Variants in CD2AP observed in about 807,000 individuals in gnomAD.
CD2AP encodes the protein CD2-associated protein.
A neutral mutation model predicts 85.1 loss-of-function variants in CD2AP; 46 were observed. The observed-to-expected ratio is 0.54, with a 90% CI of 0.43 to 0.69. The LOEUF (loss-of-function observed/expected upper bound fraction) is 0.69. CD2AP is among the 30% of genes least tolerant of loss of function. CD2AP has a pLI of 0.00. For synonymous variants in CD2AP, 255 were observed against 252.9 expected (o/e 1.01, Z -0.08); for missense variants, 769 against 729.5 (o/e 1.05, Z -0.62).
At chr6:47,582,143 G>A in intron 11 of CD2AP, 78 bp downstream of exon 11, 2 of 934,394 alleles carry the variant, frequency 2.1e-6, no homozygotes, top group Middle Eastern at 4.4e-4. Context: ...TCTCCACACT[G>A]AGTTATTTAC....
intron 4 of CD2AP, among the ~76,000 whole-genome samples, chr6:47,552,602 G>A (rs1000618183): frequency 6.6e-6 from 1 of 152,114 alleles, no homozygotes; most frequent in South Asian, 2.1e-4. Flanking sequence ...ATTGCAGATT[G>A]TCATGCAGTC....
intron 17 of CD2AP, among the ~76,000 whole-genome samples, chr6:47,622,324 A>G (rs949479611): frequency 3.3e-5 from 5 of 152,126 alleles, no homozygotes; most frequent in Non-Finnish European, 5.9e-5. Context: ...TGCAAACCAG[A>G]TTTGCCGCCC....
chr6:47,512,032 G>C (rs1306343977), intron 2 of CD2AP, among the ~76,000 whole-genome samples: 3 of 151,804 alleles, frequency 2.0e-5, no homozygotes, highest in Non-Finnish European at 4.4e-5. Flanking sequence ...GTGGCGGGCG[G>C]CTGTAGTCCC....
At chr6:47,499,608 C>T (rs376770508) in intron 1 of CD2AP, among the ~76,000 whole-genome samples, 1 of 152,102 alleles carries the variant, frequency 6.6e-6, no homozygotes, top group African/African-American at 2.4e-5. Flanking sequence ...TACCCTTTCT[C>T]CTGGTAGTTT....
chr6:47,584,001 C>T (rs111815388), intron 11 of CD2AP, among the ~76,000 whole-genome samples: 301 of 152,184 alleles, frequency 2.0e-3, no homozygotes, highest in African/African-American at 6.9e-3. Flanking sequence ...GTTGCAATTC[C>T]GTAATGATAT....
At chr6:47,560,127 A>G (rs1174225650) in intron 5 of CD2AP, among the ~76,000 whole-genome samples, 1 of 152,158 alleles carries the variant, frequency 6.6e-6, no homozygotes, top group Non-Finnish European at 1.5e-5. Flanking sequence ...ATAAAAATAA[A>G]ACAAAGACCT....
chr6:47,492,785 T>A (rs1236878408), intron 1 of CD2AP, among the ~76,000 whole-genome samples: 7 of 152,218 alleles, frequency 4.6e-5, no homozygotes, highest in African/African-American at 1.7e-4. Context: ...TTTATTGATG[T>A]TTTCAAATAA....
chr6:47,610,972 T>TATATATATATTTA (rs1491427733), intron 16 of CD2AP, among the ~76,000 whole-genome samples: 1 of 56,362 alleles, frequency 1.8e-5, no homozygotes, highest in Non-Finnish European at 3.1e-5. Context: ...TATATATGTA[T>TATATATATATTTA]TTTTTTTTTT....
rs376206874 is a variant in CD2AP, at chr6:47,591,510, T to C, written c.1109-4351T>C. ...CTCACTACTTTTTAGGTAGTACATT[T>C]TTTCTCTAAGGCATCTCCAAGTGAT... On this transcript the variant is annotated intron_variant, in intron 11 of 17. Transcript: ENST00000359314. 5.3e-5 allele frequency among the ~76,000 whole-genome samples: 8 copies of C among 152,156 alleles called. No homozygotes were observed. In the East Asian group the frequency reaches 1.5e-3, roughly 29 times the overall value.
At chr6:47,561,033 G>A (rs9357544) in intron 5 of CD2AP, among the ~76,000 whole-genome samples, 50,643 of 151,970 alleles carry the variant, frequency 0.33, 9,306 homozygotes, top group Middle Eastern at 0.52. Context: ...TTATTCATCA[G>A]GTATCAGTCT....
intron 5 of CD2AP, chr6:47,563,077 C>T (rs1003615330): frequency 2.6e-4 from 64 of 248,764 alleles, no homozygotes; most frequent in African/African-American, 1.3e-3. Context: ...AGTTTGAACT[C>T]TGCTATAATT....
intron 5 of CD2AP, among the ~76,000 whole-genome samples, chr6:47,559,356 T>C (rs1767788378): frequency 6.6e-6 from 1 of 151,660 alleles, no homozygotes; most frequent in Non-Finnish European, 1.5e-5. Flanking sequence ...CCTCCTGAGC[T>C]CAAGTGATCC....
intron 1 of CD2AP, among the ~76,000 whole-genome samples, chr6:47,498,544 G>A (rs1295489914): frequency 2.6e-5 from 4 of 152,018 alleles, no homozygotes; most frequent in South Asian, 4.1e-4. Context: ...CTGTTAATTG[G>A]ATGTTGGATT....
chr6:47,624,446 G>A lies in CD2AP; in HGVS notation c.*219G>A. On this transcript the variant is annotated 3_prime_UTR_variant, in exon 18 of 18. Coordinates refer to ENST00000359314, the MANE Select transcript of CD2AP (RefSeq NM_012120.3). ...AGGCCTTATTTCTTAACTGTGCTGGGATTGCAAACACTTTTTAAAAAATTG... is the reference window on the plus strand; with the variant it reads ...AGGCCTTATTTCTTAACTGTGCTGGAATTGCAAACACTTTTTAAAAAATTG... The A allele has an allele frequency of 2.0e-6, 1 of 496,304 alleles. No homozygotes were observed. The highest frequency in any genetic ancestry group is 3.6e-6 in the Non-Finnish European group (1 of 280,560). The allele number at this position is 496,304 out of a possible 1,614,324, so 30.7% of individuals were successfully genotyped here.
chr6:47,486,568 A>C (rs527769475), intron 1 of CD2AP, among the ~76,000 whole-genome samples: 8 of 149,822 alleles, frequency 5.3e-5, no homozygotes, highest in Non-Finnish European at 8.8e-5. Context: ...TGATATACTG[A>C]GTACTGGCAG....
At chr6:47,520,295 T>C (rs762646099) in intron 2 of CD2AP, among the ~76,000 whole-genome samples, 9 of 152,224 alleles carry the variant, frequency 5.9e-5, no homozygotes, top group South Asian at 2.1e-4. Flanking sequence ...ACAGTCAATA[T>C]TGGTTGAGGA....
intron 4 of CD2AP, among the ~76,000 whole-genome samples, chr6:47,546,393 G>A (rs1044471542): frequency 6.6e-6 from 1 of 152,026 alleles, no homozygotes; most frequent in African/African-American, 2.4e-5. Flanking sequence ...CCTTCTTGAG[G>A]AAGAAGAGAA....
intron 2 of CD2AP, among the ~76,000 whole-genome samples, chr6:47,507,132 G>T (rs1766193576): frequency 6.6e-6 from 1 of 152,086 alleles, no homozygotes; most frequent in Non-Finnish European, 1.5e-5. Context: ...CTCCTCCATA[G>T]GAAGCAACTC....
intron 6 of CD2AP, among the ~76,000 whole-genome samples, 193 bp from the exon 7 acceptor site, chr6:47,576,331 T>G (rs1041325755): frequency 6.6e-6 from 1 of 152,204 alleles, no homozygotes; most frequent in Non-Finnish European, 1.5e-5. Context: ...AATCTTTAAA[T>G]TGGTAGCTCT....
Sources: allele counts gnomAD v4.1 joint callset (sites outside exome capture counted in the v4.1 genomes callset), GRCh38; gene constraint gnomAD v4.1.1; transcripts MANE v1.5; gene names NCBI Gene and HGNC (gene_info 2026-07-23, HGNC 2026-07-21).